BCAS3: variants seen among roughly 807,000 people sequenced by gnomAD.
BCAS3 encodes the protein BCAS3 microtubule associated cell migration factor, also known as BCAS4/BCAS3 fusion.
BCAS3 carries 53 observed loss-of-function variants against 116.1 expected under a neutral mutation model. The observed-to-expected ratio is 0.46, with a 90% CI of 0.37 to 0.57. BCAS3 has a LOEUF of 0.57. Among genes scored for constraint, BCAS3 ranks in the 20% least tolerant of loss-of-function variants. The pLI is 0.00. For synonymous variants in BCAS3, 391 were observed against 408.2 expected, an observed-to-expected ratio of 0.96 and a Z score of 0.51; for missense variants, 917 against 1,165.4, an observed-to-expected ratio of 0.79 and a Z score of 3.10.
At chr17:61,190,845 C>T (rs1201788124) in intron 22 of BCAS3, among the ~76,000 whole-genome samples, 1 of 152,134 alleles carries the variant, frequency 6.6e-6, no homozygotes, top group African/African-American at 2.4e-5. Flanking sequence ...TCAAGTGATC[C>T]ACCCACCTCA....
chr17:60,777,414 C>G (rs2045406779), intron 6 of BCAS3, among the ~76,000 whole-genome samples: 1 of 152,118 alleles, frequency 6.6e-6, no homozygotes, highest in South Asian at 2.1e-4. Flanking sequence ...CACTTGAGGC[C>G]AAGAGTTGGA....
chr17:61,184,428 G>A (rs2079648025), intron 22 of BCAS3, among the ~76,000 whole-genome samples: 1 of 152,144 alleles, frequency 6.6e-6, no homozygotes, highest in African/African-American at 2.4e-5. Flanking sequence ...TAGAATGGCT[G>A]AAATTAAAAG....
In BCAS3 at chr17:61,235,587, A is replaced by G. The variant is rs573660768; in HGVS notation, c.2426-132740A>G. ...ATTCCTGAGCCTTTAGTGGATGCTG[A>G]GCTGGAGACCCCCGTTAGTGCTACC... On this transcript the variant is annotated intron_variant, in intron 22 of 23. Transcript: ENST00000407086. The surrounding 1 kb of genome is among the most constrained non-coding windows in gnomAD (Gnocchi z 5.0). 1.0e-3 allele frequency among the ~76,000 whole-genome samples: 153 copies of G among 152,248 alleles called. No homozygotes were observed. The highest frequency in any genetic ancestry group is 3.6e-3 in the African/African-American group (150 of 41,540).
At chr17:61,042,659 G>A (rs902556155) in intron 19 of BCAS3, among the ~76,000 whole-genome samples, 2 of 151,204 alleles carry the variant, frequency 1.3e-5, no homozygotes, top group Non-Finnish European at 3.0e-5. Flanking sequence ...AGGCTGAAGC[G>A]GGAGGATCAC....
At chr17:60,739,806 A>G (rs1372355073) in intron 5 of BCAS3, among the ~76,000 whole-genome samples, 1 of 151,996 alleles carries the variant, frequency 6.6e-6, no homozygotes, top group Non-Finnish European at 1.5e-5. Flanking sequence ...TGTTTGTCCA[A>G]GAAAGTTTTT....
At chr17:60,838,416 G>T (rs1249343133) in intron 7 of BCAS3, among the ~76,000 whole-genome samples, 1 of 151,996 alleles carries the variant, frequency 6.6e-6, no homozygotes, top group African/African-American at 2.4e-5. Context: ...GGTGAGGTGG[G>T]TGTGGGGAGT....
At chr17:60,716,731 A>G (rs904707615) in intron 5 of BCAS3, among the ~76,000 whole-genome samples, 2 of 152,052 alleles carry the variant, frequency 1.3e-5, no homozygotes, top group African/African-American at 4.8e-5. Flanking sequence ...AAAAATAATA[A>G]TAATATTGAG....
At chr17:61,089,348 G>T (rs1165899804) in intron 22 of BCAS3, among the ~76,000 whole-genome samples, 1 of 151,856 alleles carries the variant, frequency 6.6e-6, no homozygotes, top group Admixed American at 6.6e-5. Flanking sequence ...GATTAGATAG[G>T]TGACAAGGAG....
intron 19 of BCAS3, among the ~76,000 whole-genome samples, chr17:61,069,182 CA>C (rs1215999124): frequency 6.6e-6 from 1 of 151,960 alleles, no homozygotes; most frequent in East Asian, 1.9e-4. Context: ...GCAAGACCAA[CA>C]AGAATCCCCA....
rs954310653 is a variant in BCAS3, at chr17:61,354,147, C to G, written c.2426-14180C>G. On this transcript the variant is annotated intron_variant, in intron 22 of 23. Coordinates refer to ENST00000407086, the MANE Select transcript of BCAS3 (RefSeq NM_017679.5). The surrounding 1 kb of genome is among the most constrained non-coding windows in gnomAD (Gnocchi z 4.5). ...CCTTCACAGAAGGTCGCACAACCAC[C>G]CTGGACGGTGAGAAACTAAGGTGAC... 1.3e-5 allele frequency: 2 copies of G among 152,170 alleles called. No homozygotes were observed. Among genetic ancestry groups the G allele is most frequent in the Non-Finnish European group, 2.9e-5 (2 of 68,066 alleles). The allele number at this position is 152,170 out of a possible 1,614,324, so 9.4% of individuals were successfully genotyped here.
At chr17:60,724,138 T>C (rs775563562) in intron 5 of BCAS3, among the ~76,000 whole-genome samples, 10 of 151,760 alleles carry the variant, frequency 6.6e-5, no homozygotes, top group Non-Finnish European at 1.5e-4. Flanking sequence ...CAAATATTCT[T>C]CTAGGCTGGG....
At chr17:61,232,475 G>A (rs1430046496) in intron 22 of BCAS3, among the ~76,000 whole-genome samples, 1 of 152,240 alleles carries the variant, frequency 6.6e-6, no homozygotes. Flanking sequence ...TGTATACAGA[G>A]AAACAGAGTC....
At chr17:61,195,737 A>G (rs1041881680) in intron 22 of BCAS3, among the ~76,000 whole-genome samples, 1 of 151,354 alleles carries the variant, frequency 6.6e-6, no homozygotes, top group African/African-American at 2.4e-5. Flanking sequence ...TCAGACTCCT[A>G]GACTGAAAGC....
rs978147171 is a variant in BCAS3 at position 61,199,198 on chromosome 17, C to T, written c.2425+114634C>T. Among the ~76,000 whole-genome samples, 10 of 152,174 alleles carry T rather than the reference C, an allele frequency of 6.6e-5. No homozygotes were observed. The highest frequency in any genetic ancestry group is 4.4e-5 in the Non-Finnish European group (3 of 68,028). Reference sequence around the variant, plus strand: ...AAGAAATTTCTTCCTTCTATTTCTTCTCCCTCTTTTTAGCTGTCTACTGTA... The same window carrying T: ...AAGAAATTTCTTCCTTCTATTTCTTTTCCCTCTTTTTAGCTGTCTACTGTA... On this transcript the variant is annotated intron_variant, in intron 22 of 23. Transcript: ENST00000407086. This position sits in a 1 kb window ranked among gnomAD's most constrained non-coding sequence, Gnocchi z 4.6.
chr17:61,193,089 C>G (rs1162503963), intron 22 of BCAS3, among the ~76,000 whole-genome samples: 1 of 152,064 alleles, frequency 6.6e-6, no homozygotes, highest in Non-Finnish European at 1.5e-5. Flanking sequence ...TGGCAAAACC[C>G]CTTCTCTACT....
At chr17:60,899,774 G>A (rs1218519390) in intron 10 of BCAS3, 1 of 152,020 alleles carries the variant, frequency 6.6e-6, no homozygotes. Context: ...GAGGTTACAG[G>A]TGTGAGCCAC....
At chr17:60,950,116 C>G (rs1019183903) in intron 14 of BCAS3, among the ~76,000 whole-genome samples, 2 of 151,724 alleles carry the variant, frequency 1.3e-5, no homozygotes, top group Admixed American at 6.6e-5. Flanking sequence ...ATTTGACTTA[C>G]TAGATATTAT....
intron 22 of BCAS3, among the ~76,000 whole-genome samples, chr17:61,168,405 G>A (rs2078643757): frequency 6.6e-6 from 1 of 152,088 alleles, no homozygotes; most frequent in Non-Finnish European, 1.5e-5. Flanking sequence ...ACTCCATTTT[G>A]TGTAAAAAAT....
At chr17:60,972,177 T>C (rs1475639595) in intron 14 of BCAS3, among the ~76,000 whole-genome samples, 2 of 152,214 alleles carry the variant, frequency 1.3e-5, no homozygotes, top group Non-Finnish European at 2.9e-5. Flanking sequence ...AGTACAGTCA[T>C]GTAAGCCATT....
Sources: allele counts gnomAD v4.1 joint callset (sites outside exome capture counted in the v4.1 genomes callset), GRCh38; gene constraint gnomAD v4.1.1; non-coding constraint Gnocchi (gnomAD v3.1); transcripts MANE v1.5; gene names NCBI Gene and HGNC (gene_info 2026-07-23, HGNC 2026-07-21).